HNF4G: variants seen among roughly 807,000 people sequenced by gnomAD.
HNF4G encodes the protein hepatocyte nuclear factor 4 gamma, also known as hepatocyte nuclear factor 4-gamma.
In HNF4G, 21 loss-of-function variants were observed where a neutral mutation model predicts 50.9. The observed-to-expected ratio is 0.41, with a 90% confidence interval of 0.29 to 0.59. The LOEUF is 0.59. Among genes scored for constraint, HNF4G ranks in the 20% least tolerant of loss-of-function variants. HNF4G has a pLI of 0.26. For synonymous variants in HNF4G, 198 were observed against 185.6 expected, an observed-to-expected ratio of 1.07 and a Z score of -0.54; for missense variants, 527 against 559.4, an observed-to-expected ratio of 0.94 and a Z score of 0.58.
chr8:75,469,390 C>G (rs1585871132), intron 1 of HNF4G, among the ~76,000 whole-genome samples: 3 of 152,178 alleles, frequency 2.0e-5, no homozygotes, highest in African/African-American at 7.2e-5. Flanking sequence ...ATAATCCAAT[C>G]TACATCAGAG....
chr8:75,413,821 C>T (rs1028830537), intron 1 of HNF4G, among the ~76,000 whole-genome samples: 1 of 152,016 alleles, frequency 6.6e-6, no homozygotes, highest in Non-Finnish European at 1.5e-5. Context: ...TCTAGCATTA[C>T]ACTCCAGCCT....
chr8:75,415,915 G>A (rs920434044), intron 1 of HNF4G, among the ~76,000 whole-genome samples: 31 of 152,044 alleles, frequency 2.0e-4, no homozygotes, highest in African/African-American at 7.5e-4. Flanking sequence ...CTGGCAGGTG[G>A]TACAATAGGT....
In HNF4G at chr8:75,493,164, A is replaced by G. The variant is rs1051749690; in HGVS notation, c.-24+2956A>G. Among the ~76,000 whole-genome samples, 6 of 152,256 alleles carry G rather than the reference A, an allele frequency of 3.9e-5. No individual in the cohort carries two copies. The South Asian group carries it at 1.0e-3, about 26-fold the overall frequency. ...TATATATATTTAGTAAAATTTGGGA[A>G]GAAGGGAAAATCTCATCATTGGAGT... On this transcript the variant is annotated intron_variant, in intron 2 of 10. Coordinates refer to the HNF4G transcript ENST00000354370.
chr8:75,475,194 G>C (rs1403680409), intron 1 of HNF4G, among the ~76,000 whole-genome samples: 2 of 150,614 alleles, frequency 1.3e-5, no homozygotes, highest in African/African-American at 4.9e-5. Context: ...ATTTTTAGTA[G>C]ACACAAGCTT....
At chr8:75,485,855 C>T (rs1414417523) in intron 1 of HNF4G, 1 of 152,164 alleles carries the variant, frequency 6.6e-6, no homozygotes, top group Non-Finnish European at 1.5e-5. Context: ...AAACTCTGGG[C>T]TCAGATTGCC....
intron 1 of HNF4G, among the ~76,000 whole-genome samples, chr8:75,460,495 T>C (rs1811816667): frequency 6.6e-6 from 1 of 152,288 alleles, no homozygotes; most frequent in African/African-American, 2.4e-5. Flanking sequence ...ACTTTCCAAC[T>C]AAAATGATGA....
intron 2 of HNF4G, among the ~76,000 whole-genome samples, chr8:75,513,395 G>A (rs570226873): frequency 1.3e-5 from 2 of 152,136 alleles, no homozygotes; most frequent in Admixed American, 1.3e-4. Context: ...GATTAAATTT[G>A]TTAAATTTGT....
intron 5 of HNF4G, among the ~76,000 whole-genome samples, chr8:75,554,103 T>C (rs766625249): frequency 6.6e-6 from 1 of 152,066 alleles, no homozygotes; most frequent in Non-Finnish European, 1.5e-5. Context: ...AAAAATACAG[T>C]GAAATCTGAA....
In HNF4G at chr8:75,566,136, T is replaced by G. The variant is rs947591184; in HGVS notation, c.*2040T>G. 4 of 152,204 alleles carry G rather than the reference T, an allele frequency of 2.6e-5. No individual in the cohort carries two copies. The highest frequency in any genetic ancestry group is 2.6e-4 in the Admixed American group (4 of 15,264). 9.4% of individuals were successfully genotyped at this position (152,204 alleles called of 1,614,324 possible). A position where few individuals can be genotyped will look rare whatever the true frequency, so the allele number is the denominator to read the frequency against. On this transcript the variant is annotated 3_prime_UTR_variant, in exon 10 of 10. Transcript: ENST00000396423. ...AACAGAAATTTATTTCTCGCTGTTC[T>G]CAATGGTGGGAAGTCCAAGATTAAG...
At chr8:75,443,624 T>G (rs1439001520) in intron 1 of HNF4G, among the ~76,000 whole-genome samples, 1 of 152,034 alleles carries the variant, frequency 6.6e-6, no homozygotes. Context: ...GTCACCAGAG[T>G]GGTGGGGATT....
At chr8:75,494,312 A>G (rs1203111725) in intron 2 of HNF4G, among the ~76,000 whole-genome samples, 2 of 98,322 alleles carry the variant, frequency 2.0e-5, no homozygotes, top group Non-Finnish European at 4.1e-5. Flanking sequence ...ACACACACAC[A>G]CACACACACA....
Position 75,463,058 on chromosome 8 carries a change from G to GT in HNF4G, c.-143-27024dup, listed in dbSNP as rs1219575361. ...CTCCTCTGATATTCAATGTCTGCTT[G>GT]TTTTTTTGTTTTTTTTTTTTCTGTA... On this transcript the variant is annotated intron_variant, in intron 1 of 10. Coordinates refer to the HNF4G transcript ENST00000354370. Among the ~76,000 whole-genome samples, 1,079 of 130,954 alleles carry GT rather than the reference G, an allele frequency of 8.2e-3. 22 individuals are homozygous for GT. Among genetic ancestry groups the GT allele is most frequent in the African/African-American group, 0.027 (895 of 32,832 alleles). 85.9% of individuals were successfully genotyped at this position (130,954 alleles called of 152,430 possible).
rs11386959 is a variant in HNF4G at position 75,463,066 on chromosome 8, GT to G, written c.-143-27011del. ...ATATTCAATGTCTGCTTGTTTTTTT[GT>G]TTTTTTTTTTTCTGTAATGCCTCTT... On this transcript the variant is annotated intron_variant, in intron 1 of 10. Coordinates refer to the HNF4G transcript ENST00000354370. 7.3e-4 allele frequency among the ~76,000 whole-genome samples: 101 copies of G among 138,392 alleles called. 1 individual carries two copies. Among genetic ancestry groups the G allele is most frequent in the African/African-American group, 2.0e-3 (75 of 38,228 alleles). The allele number at this position is 138,392 out of a possible 152,430, so 90.8% of individuals were successfully genotyped here.
chr8:75,471,747 C>T (rs948704034), intron 1 of HNF4G, among the ~76,000 whole-genome samples: 11 of 152,238 alleles, frequency 7.2e-5, no homozygotes, highest in African/African-American at 2.6e-4. Context: ...ATTTTCAGTT[C>T]TCTGAACCTT....
At chr8:75,427,388 G>C (rs1412656330) in intron 1 of HNF4G, among the ~76,000 whole-genome samples, 1 of 152,036 alleles carries the variant, frequency 6.6e-6, no homozygotes, top group Non-Finnish European at 1.5e-5. Context: ...GACCAGCTTG[G>C]CCAACATGGT....
intron 2 of HNF4G, among the ~76,000 whole-genome samples, chr8:75,492,075 A>T (rs1462037209): frequency 6.6e-6 from 1 of 152,020 alleles, no homozygotes; most frequent in Non-Finnish European, 1.5e-5. Context: ...ACTTCATTTC[A>T]TTTTTTCCTT....
intron 2 of HNF4G, among the ~76,000 whole-genome samples, chr8:75,516,953 A>C (rs1485404785): frequency 6.6e-6 from 1 of 152,206 alleles, no homozygotes; most frequent in Non-Finnish European, 1.5e-5. Flanking sequence ...GGTAACTTAT[A>C]AAGAAAAGGG....
chr8:75,550,502 G>A (rs113642526), intron 3 of HNF4G, among the ~76,000 whole-genome samples: 1,698 of 151,916 alleles, frequency 0.011, 41 homozygotes, highest in African/African-American at 0.039. Context: ...TAGTAGAGAC[G>A]AGGTTTCACC....
intron 1 of HNF4G, among the ~76,000 whole-genome samples, chr8:75,414,172 T>TC (rs536210590): frequency 2.2e-4 from 34 of 152,204 alleles, no homozygotes; most frequent in African/African-American, 7.7e-4. Flanking sequence ...TTGTAATTTT[T>TC]CCCTCCACTA....
Sources: gnomAD v4.1 joint callset for allele counts (sites outside exome capture counted in the v4.1 genomes callset) on GRCh38, gnomAD v4.1.1 for gene constraint, MANE v1.5 for transcripts, NCBI Gene and HGNC (gene_info 2026-07-23, HGNC 2026-07-21) for gene names.